B9D1: variants seen among roughly 807,000 people sequenced by gnomAD.
B9D1 encodes B9 domain-containing protein 1.
Under a neutral mutation model 26.1 loss-of-function variants are expected in B9D1, and 20 were observed. That is an observed-to-expected ratio of 0.77 (90% CI 0.54 to 1.12). The LOEUF (loss-of-function observed/expected upper bound fraction) is 1.12, where lower values mean the gene tolerates loss of function less well. Among genes scored for constraint, B9D1 ranks in the 50% most tolerant of loss-of-function variants. The pLI is 0.00. For missense variants in B9D1, 260 were observed against 273.7 expected, an observed-to-expected ratio of 0.95 and a Z score of 0.35; for synonymous variants, 105 against 103.1, an observed-to-expected ratio of 1.02 and a Z score of -0.11.
chr17:19,372,213 T>C lies in B9D1; in HGVS notation c.-298+5646A>G, dbSNP rs1171569744. On this transcript the variant is annotated intron_variant, in intron 1 of 5. Coordinates refer to the B9D1 transcript ENST00000477478. The surrounding 1 kb of genome is among the most constrained non-coding windows in gnomAD (Gnocchi z 4.4). ...AGTGTGGGTGAAGGGCCAGACCTTG[T>C]GTCAGGTGCCCCTGCAGATATAATT... The C allele has an allele frequency of 6.6e-6, 1 of 152,338 alleles. No homozygotes were observed. Among genetic ancestry groups the C allele is most frequent in the Admixed American group, 6.5e-5 (1 of 15,284 alleles). The allele number at this position is 152,338 out of a possible 1,614,324, so 9.4% of individuals were successfully genotyped here.
intron 1 of B9D1, among the ~76,000 whole-genome samples, chr17:19,374,090 A>G (rs1912007182): frequency 1.3e-5 from 2 of 152,244 alleles, no homozygotes; most frequent in Non-Finnish European, 2.9e-5. Flanking sequence ...TGTTCCCACA[A>G]AAAGATATAC....
chr17:19,337,705 C>T (rs760985866), downstream of B9D1: 4 of 1,533,270 alleles, frequency 2.6e-6, no homozygotes, highest in African/African-American at 5.5e-5. Flanking sequence ...AAGCCGCTTT[C>T]ATCTTGAAAC....
intron 5 of B9D1, chr17:19,344,529 C>T (rs1225808786): frequency 3.7e-6 from 1 of 270,998 alleles, no homozygotes; most frequent in Non-Finnish European, 7.7e-6. Context: ...CCACGCGAGC[C>T]GGAAACAACC....
rs191877082 is a variant in B9D1 at position 19,372,993 on chromosome 17, C to T, written c.-298+4866G>A. 2.0e-5 allele frequency among the ~76,000 whole-genome samples: 3 copies of T among 152,168 alleles called. No individual in the cohort carries two copies. Among genetic ancestry groups the T allele is most frequent in the Non-Finnish European group, 2.9e-5 (2 of 68,036 alleles). ...TGTGGGGAAATGGCCCTCATCCATA[C>T]GTGGTCTGAGGAGTTTGGCTGAGCC... On this transcript the variant is annotated intron_variant, in intron 1 of 5. Transcript: ENST00000477478. This position sits in a 1 kb window ranked among gnomAD's most constrained non-coding sequence, Gnocchi z 4.4.
intron 3 of B9D1, among the ~76,000 whole-genome samples, chr17:19,357,297 T>G (rs1230765486): frequency 6.6e-6 from 1 of 152,174 alleles, no homozygotes; most frequent in Non-Finnish European, 1.5e-5. Context: ...AAGTGAACAA[T>G]CAGAATGGTT....
At chr17:19,351,993 C>T (rs1482248660) in intron 3 of B9D1, among the ~76,000 whole-genome samples, 1 of 152,082 alleles carries the variant, frequency 6.6e-6, no homozygotes, top group Non-Finnish European at 1.5e-5. Context: ...TCAAACAATC[C>T]TCCCACCTCA....
At chr17:19,376,625 A>AAAAAAAC (rs1555612226) in intron 1 of B9D1, among the ~76,000 whole-genome samples, 1 of 7,896 alleles carries the variant, frequency 1.3e-4, no homozygotes, top group Admixed American at 8.5e-4. Context: ...ACTAAAATAC[A>AAAAAAAC]AAAAAAAAAA....
At chr17:19,351,258 T>C (rs1364469800) in intron 3 of B9D1, among the ~76,000 whole-genome samples, 1 of 152,170 alleles carries the variant, frequency 6.6e-6, no homozygotes, top group African/African-American at 2.4e-5. Flanking sequence ...GGCCTCCATA[T>C]GAGCCACTGT....
At chr17:19,340,117 G>C (rs1217745879), downstream of B9D1, among the ~76,000 whole-genome samples, 3 of 150,668 alleles carry the variant, frequency 2.0e-5, no homozygotes, top group Non-Finnish European at 4.4e-5. Flanking sequence ...TGACTGGGCA[G>C]GGATGCAAGG....
chr17:19,336,157 G>C (rs1349488820), downstream of B9D1: 1 of 152,288 alleles, frequency 6.6e-6, no homozygotes, highest in Non-Finnish European at 1.5e-5. Context: ...TAGAGTTCCT[G>C]ACCAGCCACC....
At chr17:19,369,389 G>A (rs1033130293) in intron 1 of B9D1, among the ~76,000 whole-genome samples, 1 of 152,196 alleles carries the variant, frequency 6.6e-6, no homozygotes, top group East Asian at 1.9e-4. Context: ...GATCAGCCAC[G>A]GAAGGAATAT....
rs1006221533 is a variant in B9D1, at chr17:19,357,880, G to T, written c.204C>A (p.Phe68Leu). ...TGCTTTTAAAGGTGACATCAATGGG[G>T]AAGTTCCACACCAGTGCTTGCCGCA... ...QDVRQALVWNFPIDVTFKSTN... is the reference protein window; with the variant it reads ...QDVRQALVWNLPIDVTFKSTN... The change falls in exon 3 of 7, where the codon TTC becomes TTA. Residue 68 changes from phenylalanine (F) to leucine (L), a missense_variant. Phe to Leu is a conservative substitution (Grantham distance 22). Coordinates refer to ENST00000261499, the MANE Select transcript of B9D1 (RefSeq NM_015681.6). 2 of 1,613,986 alleles carry T rather than the reference G, an allele frequency of 1.2e-6. No individual in the cohort carries two copies. The highest frequency in any genetic ancestry group is 3.3e-5 in the Admixed American group (2 of 60,002).
At chr17:19,343,633 C>T (rs774402976) in intron 6 of B9D1, 157 bp downstream of exon 6, 1 of 1,580,226 alleles carries the variant, frequency 6.3e-7, no homozygotes. Context: ...ACATGACAAA[C>T]CCTCTGTGCT....
In B9D1 at chr17:19,347,813, C is replaced by T. The variant is rs2152261896; in HGVS notation, c.312G>A (p.Gly104=). 6.2e-7 allele frequency: 1 copy of T among 1,614,010 alleles called. No individual in the cohort carries two copies. Among genetic ancestry groups the T allele is most frequent in the Non-Finnish European group, 8.5e-7 (1 of 1,179,998 alleles). ...VFGNDVVRGY[G]AVHVPFSPGR... is the part of the protein sequence containing the mutation. ...CAGGTGAGAAGGGCACGTGCACGGC[C>T]CCATAGCCTCGAACCACATCGTTCC... The change falls in exon 4 of 7, where the codon GGG becomes GGA. Residue 104 remains glycine, a synonymous_variant. Coordinates refer to ENST00000261499, the MANE Select transcript of B9D1 (RefSeq NM_015681.6). This position sits in a 1 kb window ranked among gnomAD's most constrained non-coding sequence, Gnocchi z 4.3.
downstream of B9D1, chr17:19,335,621 G>C (rs529904622): frequency 1.7e-5 from 10 of 575,952 alleles, no homozygotes; most frequent in East Asian, 6.2e-5. Flanking sequence ...AGACAGGGGT[G>C]GGGGGCTAAG....
upstream of B9D1, among the ~76,000 whole-genome samples, chr17:19,366,879 C>T (rs576848075): frequency 6.6e-6 from 1 of 152,250 alleles, no homozygotes; most frequent in African/African-American, 2.4e-5. Flanking sequence ...TGTATGCCTG[C>T]GGTTCTAGGT....
chr17:19,372,439 CCT>C lies in B9D1; in HGVS notation c.-298+5418_-298+5419del, dbSNP rs1911939068. On this transcript the variant is annotated intron_variant, in intron 1 of 5. Coordinates refer to the B9D1 transcript ENST00000477478. This position sits in a 1 kb window ranked among gnomAD's most constrained non-coding sequence, Gnocchi z 4.4. ...CACTTCCCTCTGGCCTTCTCGTGGC[CCT>C]GAGATGTGCCACACTCTCACCCGCA... Among the ~76,000 whole-genome samples the C allele has an allele frequency of 1.3e-5, 2 of 152,284 alleles. No individual in the cohort carries two copies. Among genetic ancestry groups the C allele is most frequent in the South Asian group, 2.1e-4 (1 of 4,820 alleles).
chr17:19,357,457 GGA>G (rs1910495986), intron 3 of B9D1: 1 of 337,136 alleles, frequency 3.0e-6, no homozygotes. Context: ...TAGCACAGGA[GGA>G]GAAAGTGCCA....
downstream of B9D1, among the ~76,000 whole-genome samples, chr17:19,338,027 G>A (rs1198300263): frequency 6.6e-6 from 1 of 152,234 alleles, no homozygotes; most frequent in East Asian, 1.9e-4. Flanking sequence ...AAGGTCCTGT[G>A]TCCTGGGCTC....
Sources: gnomAD v4.1 joint callset for allele counts (sites outside exome capture counted in the v4.1 genomes callset) on GRCh38, gnomAD v4.1.1 for gene constraint, Gnocchi (gnomAD v3.1) non-coding constraint, MANE v1.5 for transcripts, NCBI Gene and HGNC (gene_info 2026-07-23, HGNC 2026-07-21) for gene names.